CFAP61: variants seen among roughly 807,000 people sequenced by gnomAD.
The protein encoded by CFAP61 is cilia and flagella associated protein 61, also known as cilia- and flagella-associated protein 61.
A neutral mutation model predicts 135.6 loss-of-function variants in CFAP61; 107 were observed. The ratio of observed to expected loss-of-function variants is 0.79; its 90% CI spans 0.67 to 0.93. The LOEUF (loss-of-function observed/expected upper bound fraction) is 0.93. Ranked by LOEUF, CFAP61 falls within the 40% of genes least tolerant of loss-of-function variation. CFAP61 has a pLI of 0.00. For synonymous variants in CFAP61, 575 were observed against 578.5 expected, an observed-to-expected ratio of 0.99 and a Z score of 0.09; for missense variants, 1,507 against 1,556.2, an observed-to-expected ratio of 0.97 and a Z score of 0.53.
chr20:20,059,365 A>AAAAAAATCTGG (rs1270191410), intron 2 of CFAP61, among the ~76,000 whole-genome samples: 1 of 148,888 alleles, frequency 6.7e-6, no homozygotes, highest in African/African-American at 2.5e-5. Flanking sequence ...ATTAAAGACT[A>AAAAAAATCTGG]AAAAAATCTG....
At chr20:20,153,277 GCA>G (rs1469540913) in intron 9 of CFAP61, among the ~76,000 whole-genome samples, 1 of 152,036 alleles carries the variant, frequency 6.6e-6, no homozygotes, top group East Asian at 1.9e-4. Flanking sequence ...GTCTGAAAGA[GCA>G]CAGATAGACA....
chr20:20,121,212 C>T (rs113878263), intron 8 of CFAP61, among the ~76,000 whole-genome samples: 3,664 of 146,422 alleles, frequency 0.025, 146 homozygotes, highest in African/African-American at 0.087. Context: ...CTCAAGCAAT[C>T]CTCCCACCTC....
intron 18 of CFAP61, among the ~76,000 whole-genome samples, chr20:20,233,603 T>G (rs2049335044): frequency 6.6e-6 from 1 of 152,156 alleles, no homozygotes; most frequent in Admixed American, 6.5e-5. Context: ...CCTGCCAGGC[T>G]CAGAGTCTCA....
At chr20:20,106,050 A>ATATATATATATATAT (rs1568916492) in intron 8 of CFAP61, among the ~76,000 whole-genome samples, 8 of 110,710 alleles carry the variant, frequency 7.2e-5, no homozygotes, top group South Asian at 2.7e-4. Flanking sequence ...ATATATATAT[A>ATATATATATATATAT]AAATTTGATT....
At chr20:20,335,611 T>C (rs1416591553) in intron 25 of CFAP61, among the ~76,000 whole-genome samples, 1 of 152,202 alleles carries the variant, frequency 6.6e-6, no homozygotes, top group East Asian at 1.9e-4. Flanking sequence ...AGCAGCCATT[T>C]TGAATCATGA....
At chr20:20,058,616 C>T (rs2044552912) in intron 2 of CFAP61, among the ~76,000 whole-genome samples, 2 of 152,334 alleles carry the variant, frequency 1.3e-5, no homozygotes, top group Admixed American at 1.3e-4. Flanking sequence ...AGTGAGGGCT[C>T]ACTCAGCCTT....
intron 25 of CFAP61, among the ~76,000 whole-genome samples, chr20:20,318,496 G>A (rs1004180016): frequency 1.2e-4 from 19 of 152,328 alleles, no homozygotes; most frequent in African/African-American, 4.6e-4. Flanking sequence ...GTCTCCCACA[G>A]CTAAACCGAG....
rs550880560 is a variant in CFAP61 at position 20,249,481 on chromosome 20, G to T, written c.2160-2114G>T. ...TTGGGCCCAGGAGGTCAAGGCTACAGTGAGCCATGATTGTACCACTGTGCT... is the reference window on the plus strand; with the variant it reads ...TTGGGCCCAGGAGGTCAAGGCTACATTGAGCCATGATTGTACCACTGTGCT... On this transcript the variant is annotated intron_variant, in intron 19 of 26. Transcript: ENST00000245957. Among the ~76,000 whole-genome samples the T allele has an allele frequency of 7.9e-5, 12 of 152,340 alleles. No individual in the cohort carries two copies. In the South Asian group the frequency reaches 2.3e-3, roughly 29 times the overall value.
intron 2 of CFAP61, among the ~76,000 whole-genome samples, chr20:20,066,835 A>G (rs552112608): frequency 6.6e-6 from 1 of 152,310 alleles, no homozygotes; most frequent in East Asian, 1.9e-4. Flanking sequence ...ATAAAATAAA[A>G]TAAAAGTTCC....
chr20:20,224,332 C>T (rs1346064031), intron 17 of CFAP61, among the ~76,000 whole-genome samples: 4 of 152,114 alleles, frequency 2.6e-5, no homozygotes, highest in South Asian at 2.1e-4. Context: ...ATCTGACCTC[C>T]GAATCTTCCA....
intron 13 of CFAP61, among the ~76,000 whole-genome samples, chr20:20,179,291 A>G (rs1343239156): frequency 6.6e-6 from 1 of 152,212 alleles, no homozygotes; most frequent in Non-Finnish European, 1.5e-5. Flanking sequence ...GCCACAAAAA[A>G]TAAATAATAT....
At chr20:20,118,672 G>T (rs953582909) in intron 8 of CFAP61, among the ~76,000 whole-genome samples, 2 of 151,922 alleles carry the variant, frequency 1.3e-5, no homozygotes, top group African/African-American at 2.4e-5. Flanking sequence ...TACTCATTTT[G>T]TTGAAGGTTT....
intron 6 of CFAP61, among the ~76,000 whole-genome samples, chr20:20,080,719 C>T (rs564619748): frequency 8.8e-4 from 134 of 152,214 alleles, no homozygotes; most frequent in South Asian, 1.7e-3. Flanking sequence ...AAAACTGTTT[C>T]CTGGCCGGGC....
At chr20:20,262,426 C>A (rs1174466539) in intron 20 of CFAP61, among the ~76,000 whole-genome samples, 1 of 152,202 alleles carries the variant, frequency 6.6e-6, no homozygotes, top group Non-Finnish European at 1.5e-5. Context: ...GCCAACAACC[C>A]CAGCTCAGAT....
intron 25 of CFAP61, among the ~76,000 whole-genome samples, chr20:20,301,648 C>T (rs2056118431): frequency 6.6e-6 from 1 of 152,132 alleles, no homozygotes; most frequent in Admixed American, 6.5e-5. Context: ...GTTCATGGGC[C>T]ATTTGTGGCA....
At chr20:20,337,772 G>T (rs1036342551) in intron 25 of CFAP61, among the ~76,000 whole-genome samples, 3 of 152,126 alleles carry the variant, frequency 2.0e-5, no homozygotes, top group African/African-American at 7.2e-5. Flanking sequence ...TGGGAAAGGT[G>T]TTTACAATCC....
chr20:20,065,457 T>A (rs980997388), intron 2 of CFAP61, among the ~76,000 whole-genome samples: 1 of 152,156 alleles, frequency 6.6e-6, no homozygotes, highest in African/African-American at 2.4e-5. Flanking sequence ...GCCAGCGTAT[T>A]TTCAGAAGTA....
intron 22 of CFAP61, among the ~76,000 whole-genome samples, chr20:20,278,548 G>A (rs747709234): frequency 1.3e-5 from 2 of 151,552 alleles, no homozygotes; most frequent in African/African-American, 2.4e-5. Flanking sequence ...GTGTGTTAAC[G>A]GTTGTGATAA....
intron 13 of CFAP61, among the ~76,000 whole-genome samples, chr20:20,173,942 C>A (rs964199503): frequency 2.0e-5 from 3 of 152,162 alleles, no homozygotes; most frequent in Admixed American, 2.0e-4. Context: ...CTTTCACACT[C>A]TTTTACTGTG....
Sources: gnomAD v4.1 joint callset for allele counts (sites outside exome capture counted in the v4.1 genomes callset) on GRCh38, gnomAD v4.1.1 for gene constraint, MANE v1.5 for transcripts, NCBI Gene and HGNC (gene_info 2026-07-23, HGNC 2026-07-21) for gene names.